Variants in CCDC91 observed in about 807,000 individuals in gnomAD.
CCDC91 encodes coiled-coil domain-containing protein 91.
CCDC91 carries 48 observed loss-of-function variants against 63.2 expected under a neutral mutation model. That is an observed-to-expected ratio of 0.76 (90% CI 0.60 to 0.97). The LOEUF (loss-of-function observed/expected upper bound fraction) is 0.97, where lower values mean the gene tolerates loss of function less well. Among genes scored for constraint, CCDC91 ranks in the 50% least tolerant of loss-of-function variants. CCDC91 has a pLI of 0.00. For synonymous variants in CCDC91, 167 were observed against 165.8 expected (o/e 1.01, Z -0.06); for missense variants, 500 against 494.6 (o/e 1.01, Z -0.10).
chr12:28,195,037 G>T (rs917180442), intron 1 of CCDC91, among the ~76,000 whole-genome samples: 1 of 152,224 alleles, frequency 6.6e-6, no homozygotes, highest in African/African-American at 2.4e-5. Flanking sequence ...CGAAGGGGTT[G>T]CTGCTGCTGG....
At chr12:28,286,194 A>C (rs921197120) in intron 3 of CCDC91, among the ~76,000 whole-genome samples, 1 of 152,102 alleles carries the variant, frequency 6.6e-6, no homozygotes, top group Non-Finnish European at 1.5e-5. Context: ...CTTCATAGAC[A>C]TTAAAATAAA....
At chr12:28,453,963 A>T (rs1949939771) in intron 11 of CCDC91, among the ~76,000 whole-genome samples, 1 of 152,096 alleles carries the variant, frequency 6.6e-6, no homozygotes, top group Admixed American at 6.6e-5. Context: ...TAAAGAGCAC[A>T]CTTCTCTGCT....
intron 11 of CCDC91, among the ~76,000 whole-genome samples, chr12:28,483,004 T>G (rs1250857243): frequency 3.3e-5 from 5 of 152,140 alleles, no homozygotes; most frequent in African/African-American, 1.2e-4. Flanking sequence ...TAGAAAATAG[T>G]ATGTACAGTT....
intron 5 of CCDC91, among the ~76,000 whole-genome samples, chr12:28,307,352 T>G (rs1592264200): frequency 6.6e-6 from 1 of 151,954 alleles, no homozygotes; most frequent in African/African-American, 2.4e-5. Context: ...TATGCTTTCT[T>G]CCCTGTGAAT....
chr12:28,445,329 C>A (rs1283320365), intron 8 of CCDC91, among the ~76,000 whole-genome samples: 5 of 152,082 alleles, frequency 3.3e-5, no homozygotes, highest in Admixed American at 1.3e-4. Context: ...CCACAAAAAA[C>A]CCCAGATCAG....
intron 1 of CCDC91, among the ~76,000 whole-genome samples, chr12:28,253,848 T>G (rs574188348): frequency 4.4e-4 from 67 of 152,358 alleles, no homozygotes; most frequent in Non-Finnish European, 8.1e-4. Context: ...CATTTAATGA[T>G]GCTTCCAACC....
chr12:28,331,619 AC>A (rs1941520280), intron 6 of CCDC91, among the ~76,000 whole-genome samples: 1 of 152,204 alleles, frequency 6.6e-6, no homozygotes, highest in African/African-American at 2.4e-5. Context: ...ACAGTTCTTT[AC>A]CCAGAGCTAG....
At chr12:28,220,914 GA>G (rs1173190563) in intron 1 of CCDC91, among the ~76,000 whole-genome samples, 1 of 151,926 alleles carries the variant, frequency 6.6e-6, no homozygotes, top group Non-Finnish European at 1.5e-5. Context: ...GCATTAGTAT[GA>G]TTTCTTTATG....
intron 7 of CCDC91, among the ~76,000 whole-genome samples, chr12:28,372,044 TC>T (rs1343160449): frequency 4.6e-5 from 7 of 152,202 alleles, no homozygotes; most frequent in African/African-American, 1.7e-4. Context: ...CCAGTTTTAT[TC>T]TTCTATATGT....
chr12:28,222,211 T>C (rs1943994138), intron 1 of CCDC91, among the ~76,000 whole-genome samples: 1 of 152,188 alleles, frequency 6.6e-6, no homozygotes, highest in Admixed American at 6.5e-5. Flanking sequence ...TTAAATGCTA[T>C]CTGTATACTG....
chr12:28,427,978 G>A (rs747278189), intron 8 of CCDC91, among the ~76,000 whole-genome samples: 1 of 152,126 alleles, frequency 6.6e-6, no homozygotes, highest in Non-Finnish European at 1.5e-5. Flanking sequence ...GTAGGGATGA[G>A]GATGTCTAGT....
intron 6 of CCDC91, among the ~76,000 whole-genome samples, chr12:28,356,244 G>A (rs1324688269): frequency 6.6e-6 from 1 of 152,144 alleles, no homozygotes; most frequent in East Asian, 1.9e-4. Flanking sequence ...TCGTTGCAAG[G>A]ATTATGGCTC....
chr12:28,504,934 C>G (rs949583453), intron 12 of CCDC91, among the ~76,000 whole-genome samples: 5 of 151,886 alleles, frequency 3.3e-5, no homozygotes, highest in Admixed American at 2.6e-4. Context: ...AATGACAGAT[C>G]AGTAGTGGCA....
intron 8 of CCDC91, among the ~76,000 whole-genome samples, chr12:28,436,263 CT>C (rs1335130687): frequency 6.6e-6 from 1 of 151,270 alleles, no homozygotes; most frequent in East Asian, 1.9e-4. Flanking sequence ...AAATCTTTCT[CT>C]TTTTAAATTT....
rs541349469 is a variant in CCDC91 at position 28,247,425 on chromosome 12, AGCCGAGACCGG to A, written c.-14-9773_-14-9763del. ...AACCCGGGAGGCGGAGCTTGCAGTT[AGCCGAGACCGG>A]GCCACTGCACTCCAGCCTGGGTGAG... is the stretch of plus-strand genomic sequence containing the variant. On this transcript the variant is annotated intron_variant, in intron 1 of 12. Coordinates refer to ENST00000536442, the MANE Select transcript of CCDC91 (RefSeq NM_018318.5). 4.6e-5 allele frequency among the ~76,000 whole-genome samples: 7 copies of A among 150,724 alleles called. No individual in the cohort carries two copies. The South Asian group carries it at 1.5e-3, about 32-fold the overall frequency.
At chr12:28,491,465 T>C (rs771273510) in intron 12 of CCDC91, among the ~76,000 whole-genome samples, 46 of 151,842 alleles carry the variant, frequency 3.0e-4, no homozygotes, top group Admixed American at 1.1e-3. Flanking sequence ...ATAGACACCA[T>C]TGGCACATGA....
chr12:28,479,103 C>T (rs1015052128), intron 11 of CCDC91, among the ~76,000 whole-genome samples: 1 of 152,098 alleles, frequency 6.6e-6, no homozygotes, highest in Admixed American at 6.6e-5. Flanking sequence ...CCCAGCCATC[C>T]CATTACTGGG....
In CCDC91 at chr12:28,229,329, T is replaced by C. The variant is rs553157893; in HGVS notation, c.-14-27873T>C. Among the ~76,000 whole-genome samples, 3 of 152,196 alleles carry C rather than the reference T, an allele frequency of 2.0e-5. No individual in the cohort carries two copies. In the South Asian group the frequency reaches 6.2e-4, roughly 32 times the overall value. On this transcript the variant is annotated intron_variant, in intron 1 of 12. Coordinates refer to ENST00000536442, the MANE Select transcript of CCDC91 (RefSeq NM_018318.5). ...TTCAACAAATTATGAATGGAGTGCATATCCTGAGCCAGATACTATTCTAGG... is the reference window on the plus strand; with the variant it reads ...TTCAACAAATTATGAATGGAGTGCACATCCTGAGCCAGATACTATTCTAGG...
intron 11 of CCDC91, 23 bp downstream of exon 11, chr12:28,452,677 A>T: frequency 2.4e-6 from 3 of 1,276,086 alleles, no homozygotes; most frequent in Non-Finnish European, 3.2e-6. Flanking sequence ...AACTGTTAGT[A>T]AATATTTACT....
Sources: gnomAD v4.1 joint callset for allele counts (sites outside exome capture counted in the v4.1 genomes callset) on GRCh38, gnomAD v4.1.1 for gene constraint, MANE v1.5 for transcripts, NCBI Gene and HGNC (gene_info 2026-07-23, HGNC 2026-07-21) for gene names.